Variants in TEX9 observed in about 807,000 individuals in gnomAD.
TEX9 encodes the protein testis expressed 9.
A neutral mutation model predicts 59.6 loss-of-function variants in TEX9; 74 were observed. The ratio of observed to expected loss-of-function variants is 1.24; its 90% CI spans 1.03 to 1.51. The LOEUF is 1.51. Among genes scored for constraint, TEX9 ranks in the 40% most tolerant of loss-of-function variants. TEX9 has a pLI of 0.00. For synonymous variants in TEX9, 186 were observed against 152.2 expected (o/e 1.22, Z -1.64); for missense variants, 522 against 447.8 (o/e 1.17, Z -1.49).
chr15:56,451,286 G>A, the TEX9 span, among the ~76,000 whole-genome samples: 1 of 152,298 alleles, frequency 6.6e-6, no homozygotes, highest in South Asian at 2.1e-4. Context: ...TCCTGAACCA[G>A]GGACCAGGGT....
In TEX9 at chr15:56,245,056, A is replaced by G. The variant is rs961457992; in HGVS notation, c.-107+778A>G. Among the ~76,000 whole-genome samples, 7 of 152,104 alleles carry G rather than the reference A, an allele frequency of 4.6e-5. 1 individual carries two copies. Among genetic ancestry groups the G allele is most frequent in the Admixed American group, 3.3e-4 (5 of 15,278 alleles). ...CTTTAACTTTTCTGATAGAGTGTCTATCAGGTTTCTACCTGTTAGATCCTC... is the reference window on the plus strand; with the variant it reads ...CTTTAACTTTTCTGATAGAGTGTCTGTCAGGTTTCTACCTGTTAGATCCTC... On this transcript the variant is annotated intron_variant, in intron 1 of 5. Transcript: ENST00000560827.
intron 1 of TEX9, among the ~76,000 whole-genome samples, chr15:56,304,896 T>C (rs1393383525): frequency 6.6e-6 from 1 of 152,158 alleles, no homozygotes; most frequent in Non-Finnish European, 1.5e-5. Context: ...TTAATTTTTG[T>C]AATTTTTGTA....
intron 12 of TEX9, chr15:56,429,883 T>A (rs979207227): frequency 3.3e-5 from 5 of 152,194 alleles, no homozygotes; most frequent in Non-Finnish European, 7.4e-5. Flanking sequence ...CCACAATTAT[T>A]TCCTCTACAA....
chr15:56,376,822 TG>T (rs1469987247), intron 3 of TEX9, among the ~76,000 whole-genome samples: 3 of 152,200 alleles, frequency 2.0e-5, no homozygotes, highest in Admixed American at 1.3e-4. Flanking sequence ...AAGAAATCTT[TG>T]TCTACTCCAA....
intron 3 of TEX9, among the ~76,000 whole-genome samples, chr15:56,376,958 T>C (rs916129063): frequency 2.6e-5 from 4 of 152,210 alleles, no homozygotes; most frequent in African/African-American, 9.6e-5. Context: ...TCTAGTCTTC[T>C]TCTTCTGCAT....
intron 1 of TEX9, among the ~76,000 whole-genome samples, chr15:56,300,716 A>AGAGGGAGG: frequency 7.0e-6 from 1 of 142,216 alleles, no homozygotes; most frequent in Non-Finnish European, 1.5e-5. Flanking sequence ...AGGGAGAGAG[A>AGAGGGAGG]GAGAGAGAGA....
intron 1 of TEX9, among the ~76,000 whole-genome samples, chr15:56,282,427 A>G (rs2044840307): frequency 6.6e-6 from 1 of 152,204 alleles, no homozygotes; most frequent in African/African-American, 2.4e-5. Context: ...CATATTCATC[A>G]AAAGTAGACA....
intron 12 of TEX9, chr15:56,429,109 C>T: frequency 6.3e-7 from 1 of 1,586,450 alleles, no homozygotes; most frequent in Non-Finnish European, 8.6e-7. Context: ...TATCATTTCT[C>T]TTCACAAATT....
intron 1 of TEX9, among the ~76,000 whole-genome samples, chr15:56,261,796 T>C (rs561847163): frequency 6.6e-6 from 1 of 152,076 alleles, no homozygotes; most frequent in East Asian, 1.9e-4. Context: ...CCAAAGGATA[T>C]AGGAATAGTA....
intron 1 of TEX9, among the ~76,000 whole-genome samples, chr15:56,296,021 T>A (rs2725840): frequency 0.45 from 68,456 of 152,002 alleles, 16,446 homozygotes; most frequent in Non-Finnish European, 0.55. Context: ...TTCAATGCGG[T>A]CTGAACTGGC....
chr15:56,272,929 TA>T (rs1455672879), intron 1 of TEX9, among the ~76,000 whole-genome samples: 2,588 of 121,852 alleles, frequency 0.021, 24 homozygotes, highest in East Asian at 0.031. Flanking sequence ...TTTATTTATT[TA>T]TTTATTTATT....
At position 56,428,396 on chromosome 15, in the gene TEX9, T is replaced by A. The variant is rs779034810; in HGVS notation, c.1128T>A (p.Ser376=). The A allele has an allele frequency of 9.3e-6, 15 of 1,612,306 alleles. 1 individual carries two copies. Among genetic ancestry groups the A allele is most frequent in the Non-Finnish European group, 1.3e-5 (15 of 1,179,026 alleles). ...ATATTGAAGCTGCCAAGATGCTATC[T>A]TTCACTGAGGAGGAATTTATGAAAG... The change falls in exon 12 of 13, where the codon TCT becomes TCA. Residue 376 remains serine, a synonymous_variant. Coordinates refer to ENST00000352903, the Ensembl canonical transcript of TEX9.
At chr15:56,458,125 C>T in the TEX9 span, among the ~76,000 whole-genome samples, 1 of 152,118 alleles carries the variant, frequency 6.6e-6, no homozygotes, top group Admixed American at 6.5e-5. Context: ...AGATTACATA[C>T]AGTTTGATGC....
At chr15:56,456,064 G>A in the TEX9 span, among the ~76,000 whole-genome samples, 1 of 152,112 alleles carries the variant, frequency 6.6e-6, no homozygotes, top group African/African-American at 2.4e-5. Flanking sequence ...GGAAATTTAT[G>A]TAGAGGTATA....
At chr15:56,286,363 A>G (rs1414808960) in intron 1 of TEX9, among the ~76,000 whole-genome samples, 1 of 152,192 alleles carries the variant, frequency 6.6e-6, no homozygotes, top group African/African-American at 2.4e-5. Context: ...AGGATAGGCG[A>G]TGAAAATGAG....
intron 3 of TEX9, among the ~76,000 whole-genome samples, chr15:56,377,041 T>G (rs1019952814): frequency 2.6e-5 from 4 of 152,198 alleles, no homozygotes; most frequent in Admixed American, 2.0e-4. Flanking sequence ...CTTGGCAACC[T>G]TGTCAAAAAT....
chr15:56,423,792 G>A (rs1309387867), intron 10 of TEX9, among the ~76,000 whole-genome samples: 3 of 151,900 alleles, frequency 2.0e-5, no homozygotes, highest in South Asian at 2.1e-4. Context: ...TATTTCAATC[G>A]TTTTGGGGGA....
intron 1 of TEX9, among the ~76,000 whole-genome samples, chr15:56,313,084 T>C (rs1245002770): frequency 6.7e-6 from 1 of 150,306 alleles, no homozygotes; most frequent in Admixed American, 6.7e-5. Context: ...AATCATGTCA[T>C]CTGCAAACAG....
chr15:56,264,599 C>T (rs1307018474), intron 1 of TEX9, among the ~76,000 whole-genome samples: 1 of 152,086 alleles, frequency 6.6e-6, no homozygotes, highest in African/African-American at 2.4e-5. Context: ...TTTTGATGGA[C>T]AAGTATTTAT....
Sources: gnomAD v4.1 joint callset for allele counts (sites outside exome capture counted in the v4.1 genomes callset) on GRCh38, gnomAD v4.1.1 for gene constraint, MANE v1.5 for transcripts, NCBI Gene and HGNC (gene_info 2026-07-23, HGNC 2026-07-21) for gene names.